Variants in RXRA observed in about 807,000 individuals in gnomAD.
RXRA encodes retinoic acid receptor RXR-alpha.
A neutral mutation model predicts 44.5 loss-of-function variants in RXRA; 5 were observed. The ratio of observed to expected loss-of-function variants is 0.11; its 90% confidence interval spans 0.06 to 0.24. The LOEUF (loss-of-function observed/expected upper bound fraction) is 0.24, where lower values mean the gene tolerates loss of function less well. Among genes scored for constraint, RXRA ranks in the 10% least tolerant of loss-of-function variants. The pLI, the probability that RXRA is intolerant of heterozygous loss-of-function variation, is 1.00. For missense variants in RXRA, 412 were observed against 646.5 expected, an observed-to-expected ratio of 0.64 and a Z score of 3.93; for synonymous variants, 291 against 271.4, an observed-to-expected ratio of 1.07 and a Z score of -0.71.
chr9:134,340,655 G>A (rs1256004942), intron 1 of RXRA, among the ~76,000 whole-genome samples: 1 of 152,178 alleles, frequency 6.6e-6, no homozygotes, highest in African/African-American at 2.4e-5. Context: ...GCCTCGGCCC[G>A]CAGCTGCCTT....
chr9:134,330,625 C>G (rs1834989246), intron 1 of RXRA, among the ~76,000 whole-genome samples: 1 of 152,212 alleles, frequency 6.6e-6, no homozygotes, highest in Admixed American at 6.5e-5. Context: ...TCCTCTGCCC[C>G]CTCCCATTCA....
intron 1 of RXRA, among the ~76,000 whole-genome samples, chr9:134,334,211 T>C (rs1462301156): frequency 6.6e-5 from 10 of 152,258 alleles, no homozygotes; most frequent in African/African-American, 2.4e-4. Flanking sequence ...TTTCCCAGGC[T>C]TCCTGAGGGC....
chr9:134,349,838 C>A lies in RXRA; in HGVS notation c.28+23179C>A, dbSNP rs189855778. ...CTAGCTCGGGTGGGCGGGCGGGTGC[C>A]GCAGGCTCTCCTGTGGTAGGAGTCG... On this transcript the variant is annotated intron_variant, in intron 1 of 9. Transcript: ENST00000481739. The surrounding 1 kb of genome is among the most constrained non-coding windows in gnomAD (Gnocchi z 4.3). Among the ~76,000 whole-genome samples the A allele has an allele frequency of 6.0e-3, 909 of 151,946 alleles. 9 individuals carry two copies. The highest frequency in any genetic ancestry group is 0.02 in the African/African-American group (842 of 41,342).
intron 4 of RXRA, among the ~76,000 whole-genome samples, chr9:134,415,968 G>A (rs1393210712): frequency 6.6e-6 from 1 of 152,232 alleles, no homozygotes; most frequent in African/African-American, 2.4e-5. Flanking sequence ...ATGGGGTAAT[G>A]TGAGTGCCCG....
At chr9:134,414,681 C>T (rs1249233358) in intron 4 of RXRA, among the ~76,000 whole-genome samples, 2 of 152,242 alleles carry the variant, frequency 1.3e-5, no homozygotes, top group Non-Finnish European at 2.9e-5. Context: ...ACTGGGAAGA[C>T]AGCAGTGCCA....
chr9:134,374,559 G>T (rs551325689), intron 1 of RXRA, among the ~76,000 whole-genome samples: 1 of 152,144 alleles, frequency 6.6e-6, no homozygotes, highest in Non-Finnish European at 1.5e-5. Context: ...CCCCGCCTCC[G>T]GTCTTCCTCC....
chr9:134,339,757 G>C (rs1830062407), intron 1 of RXRA, among the ~76,000 whole-genome samples: 1 of 150,158 alleles, frequency 6.7e-6, no homozygotes, highest in African/African-American at 2.5e-5. Context: ...TCCCGTGTGT[G>C]TCTGTGCACA....
intron 1 of RXRA, among the ~76,000 whole-genome samples, chr9:134,374,764 G>T (rs1336586941): frequency 6.6e-6 from 1 of 152,236 alleles, no homozygotes; most frequent in Non-Finnish European, 1.5e-5. Flanking sequence ...GGCTCAGCGA[G>T]ATTGTCTAAC....
intron 3 of RXRA, among the ~76,000 whole-genome samples, chr9:134,408,521 G>A (rs904893459): frequency 2.6e-5 from 4 of 152,240 alleles, no homozygotes; most frequent in Non-Finnish European, 5.9e-5. Context: ...GTGGGGCACA[G>A]GGCAGCCTGA....
At chr9:134,340,527 G>A (rs1830073576) in intron 1 of RXRA, among the ~76,000 whole-genome samples, 1 of 152,160 alleles carries the variant, frequency 6.6e-6, no homozygotes, top group Non-Finnish European at 1.5e-5. Context: ...ACGTGGCACC[G>A]GCTCACTGCC....
chr9:134,408,116 C>T (rs754312054), intron 2 of RXRA, 33 bp from the exon 3 acceptor site: 8 of 1,502,234 alleles, frequency 5.3e-6, no homozygotes, highest in Non-Finnish European at 7.1e-6. Context: ...ACCTGGTGTA[C>T]ACCCCGCTGA....
At chr9:134,346,650 G>A (rs781788744) in intron 1 of RXRA, among the ~76,000 whole-genome samples, 1 of 152,222 alleles carries the variant, frequency 6.6e-6, no homozygotes, top group South Asian at 2.1e-4. Context: ...GGAAAGAAGC[G>A]TGTGTCTGGG....
chr9:134,420,386 T>G (rs1044067997), intron 5 of RXRA, among the ~76,000 whole-genome samples: 1 of 152,152 alleles, frequency 6.6e-6, no homozygotes, highest in Non-Finnish European at 1.5e-5. Flanking sequence ...ATGGAAGGTT[T>G]GTGGAGGAAT....
Position 134,417,118 on chromosome 9 carries a change from G to A in RXRA, c.611-40G>A, listed in dbSNP as rs1337805829. 1.0e-5 allele frequency: 16 copies of A among 1,582,040 alleles called. No individual in the cohort carries two copies. The East Asian group carries it at 1.1e-4, about 11-fold the overall frequency. Reference sequence around the variant, plus strand: ...CAGCCTTCCCTGGGAGCCACTGGCCGGGCTGAGCGTGGGGCTCACCTGCGC... The same window carrying A: ...CAGCCTTCCCTGGGAGCCACTGGCCAGGCTGAGCGTGGGGCTCACCTGCGC... On this transcript the variant is annotated intron_variant, in intron 4 of 9. Transcript: ENST00000481739. The surrounding 1 kb of genome is among the most constrained non-coding windows in gnomAD (Gnocchi z 6.1).
intron 1 of RXRA, chr9:134,379,287 C>A: frequency 2.0e-6 from 2 of 986,576 alleles, no homozygotes; most frequent in Non-Finnish European, 2.4e-6. Context: ...ACAGCTGTTG[C>A]CGAGGGCACA....
At chr9:134,420,487 G>A (rs1831311300) in intron 5 of RXRA, among the ~76,000 whole-genome samples, 1 of 152,218 alleles carries the variant, frequency 6.6e-6, no homozygotes, top group East Asian at 1.9e-4. Flanking sequence ...CCCAAGGGCT[G>A]CCCTGCCCTC....
chr9:134,423,463 G>A (rs1466545595), intron 6 of RXRA: 1 of 985,364 alleles, frequency 1.0e-6, no homozygotes, highest in African/African-American at 1.7e-5. Flanking sequence ...TGTGAAGCAG[G>A]GAATGTTCTG....
Position 134,436,498 on chromosome 9 carries a change from C to T in RXRA, c.1273C>T (p.Leu425=), listed in dbSNP as rs752217322. 1 of 1,614,194 alleles carries T rather than the reference C, an allele frequency of 6.2e-7. No individual in the cohort carries two copies. Among genetic ancestry groups the T allele is most frequent in the Non-Finnish European group, 8.5e-7 (1 of 1,180,042 alleles). Residue 425 remains leucine (L), a synonymous_variant, in exon 10 of 10, where the codon CTG becomes TTG. Transcript: ENST00000481739. Reference sequence around the variant, plus strand: ...TAAGCTCTTGCTCCGCCTGCCGGCTCTGCGCTCCATCGGGCTCAAATGCCT... The same window carrying T: ...TAAGCTCTTGCTCCGCCTGCCGGCTTTGCGCTCCATCGGGCTCAAATGCCT... ...FAKLLLRLPA[L]RSIGLKCLEH...
At chr9:134,334,814 T>C (rs1035928312) in intron 1 of RXRA, among the ~76,000 whole-genome samples, 1 of 152,090 alleles carries the variant, frequency 6.6e-6, no homozygotes, top group Non-Finnish European at 1.5e-5. Flanking sequence ...TGGGCTGGGG[T>C]AGGGCCTGGG....
Sources: gnomAD v4.1 joint callset for allele counts (sites outside exome capture counted in the v4.1 genomes callset) on GRCh38, gnomAD v4.1.1 for gene constraint, Gnocchi (gnomAD v3.1) non-coding constraint, MANE v1.5 for transcripts, NCBI Gene and HGNC (gene_info 2026-07-23, HGNC 2026-07-21) for gene names.